The following UBE2G1 variants were observed in gnomAD, a reference collection of about 807,000 sequenced individuals.
UBE2G1 encodes the protein ubiquitin-conjugating enzyme E2 G1.
In UBE2G1, 5 loss-of-function variants were observed where a neutral mutation model predicts 22.7. That is an observed-to-expected ratio of 0.22 (90% CI 0.12 to 0.46). The LOEUF is 0.46. Ranked by LOEUF, UBE2G1 falls within the 20% of genes least tolerant of loss-of-function variation. The probability of loss-of-function intolerance (pLI) is 0.99; values close to 1 mark genes in which losing one functional copy is unlikely to be tolerated. For synonymous variants in UBE2G1, 74 were observed against 67.5 expected (o/e 1.10, Z -0.47); for missense variants, 88 against 203.9 (o/e 0.43, Z 3.46).
intron 2 of UBE2G1, chr17:4,301,733 G>C: frequency 1.5e-6 from 1 of 657,614 alleles, no homozygotes; most frequent in South Asian, 1.4e-5. Context: ...GTTTGGATTG[G>C]TGGGGAGTGC....
chr17:4,313,625 TTCTC>T lies in UBE2G1; in HGVS notation c.47-6506_47-6503del, dbSNP rs71832912. On this transcript the variant is annotated intron_variant, in intron 1 of 5. Transcript: ENST00000396981. The stretch of plus-strand genomic sequence containing the variant: ...GTATTACAAATCAGGACGATAGTAT[TTCTC>T]TCTCTCTCTCTCTCTGTCTTTTGGA... Among the ~76,000 whole-genome samples the T allele has an allele frequency of 1.6e-4, 24 of 149,938 alleles. 1 individual carries two copies. The highest frequency in any genetic ancestry group is 4.6e-4 in the Admixed American group (7 of 15,064).
intron 1 of UBE2G1, among the ~76,000 whole-genome samples, chr17:4,329,143 A>AAT (rs1421626855): frequency 6.8e-6 from 1 of 147,120 alleles, no homozygotes; most frequent in Non-Finnish European, 1.5e-5. Flanking sequence ...ACACTTCTGT[A>AAT]ATCCTAGCAC....
At chr17:4,344,604 C>T (rs772866940) in intron 1 of UBE2G1, among the ~76,000 whole-genome samples, 4 of 151,364 alleles carry the variant, frequency 2.6e-5, no homozygotes, top group African/African-American at 7.3e-5. Flanking sequence ...GTGACTCACA[C>T]CTGTAATCCT....
intron 1 of UBE2G1, among the ~76,000 whole-genome samples, chr17:4,317,881 G>A (rs1035838184): frequency 1.2e-4 from 19 of 152,154 alleles, no homozygotes; most frequent in Non-Finnish European, 2.5e-4. Context: ...TCACAATACC[G>A]AAATTATGCC....
intron 1 of UBE2G1, among the ~76,000 whole-genome samples, chr17:4,353,533 T>A (rs1308224646): frequency 6.6e-6 from 1 of 151,310 alleles, no homozygotes; most frequent in African/African-American, 2.4e-5. Flanking sequence ...AGAGTCTTGT[T>A]CTGTCACCAG....
In UBE2G1 at chr17:4,366,361, C is replaced by G; in HGVS notation, c.-45G>C. 1 of 1,496,960 alleles carries G rather than the reference C, an allele frequency of 6.7e-7. No individual in the cohort carries two copies. Among genetic ancestry groups the G allele is most frequent in the Non-Finnish European group, 8.8e-7 (1 of 1,132,138 alleles). The allele number at this position is 1,496,960 out of a possible 1,614,324, so 92.7% of individuals were successfully genotyped here. On this transcript the variant is annotated 5_prime_UTR_variant, in exon 1 of 6. Coordinates refer to ENST00000396981, the MANE Select transcript of UBE2G1 (RefSeq NM_003342.5). ...GGCTGGCGCCGGGGCTTCCGAAGGG[C>G]TGGGGACAGGCTCTGGGGGCGGCTG...
At chr17:4,330,791 A>T (rs1567525190) in intron 1 of UBE2G1, among the ~76,000 whole-genome samples, 1 of 151,644 alleles carries the variant, frequency 6.6e-6, no homozygotes, top group African/African-American at 2.4e-5. Flanking sequence ...ACGGGGTTTC[A>T]CCATGTTGGC....
chr17:4,291,251 T>C (rs1192789162), intron 3 of UBE2G1, among the ~76,000 whole-genome samples: 1 of 151,416 alleles, frequency 6.6e-6, no homozygotes, highest in Admixed American at 6.6e-5. Flanking sequence ...TCCCAGCTAC[T>C]TGGGAGGCTG....
At chr17:4,349,358 A>G (rs1344899957) in intron 1 of UBE2G1, among the ~76,000 whole-genome samples, 2 of 152,128 alleles carry the variant, frequency 1.3e-5, no homozygotes, top group African/African-American at 4.8e-5. Context: ...TTAGAGATGG[A>G]AAAATGTTAA....
In UBE2G1 at chr17:4,285,576, CA is replaced by C. The variant is rs1463461548; in HGVS notation, c.427-2656del. ...AAAAGAAGAAATGGGATCCATGAAA[CA>C]AAAGATTCAATTGAGAAGAGCAGTG... is the stretch of plus-strand genomic sequence containing the variant. On this transcript the variant is annotated intron_variant, in intron 4 of 5. Transcript: ENST00000396981. Among the ~76,000 whole-genome samples the C allele has an allele frequency of 9.2e-5, 14 of 152,186 alleles. No homozygotes were observed. The East Asian group carries it at 2.3e-3, about 25-fold the overall frequency.
intron 1 of UBE2G1, among the ~76,000 whole-genome samples, chr17:4,312,522 C>A (rs1297659197): frequency 2.6e-5 from 4 of 151,666 alleles, no homozygotes; most frequent in Non-Finnish European, 4.4e-5. Flanking sequence ...CGGTGAAACC[C>A]CGTCTCTACT....
intron 4 of UBE2G1, among the ~76,000 whole-genome samples, chr17:4,287,527 A>T (rs958742544): frequency 2.0e-5 from 3 of 152,104 alleles, no homozygotes; most frequent in Non-Finnish European, 2.9e-5. Flanking sequence ...CTCCCTTATC[A>T]TGTCTTACAT....
At chr17:4,284,824 CTTTTCTTTTCTTTCTTTTTTTT>C (rs1968940323) in intron 4 of UBE2G1, among the ~76,000 whole-genome samples, 3 of 85,612 alleles carry the variant, frequency 3.5e-5, no homozygotes, top group African/African-American at 1.2e-4. Context: ...TTTTTCTTTT[CTTTTCTTTTCTTTCTTTTTTTT>C]TTTTTTTTTT....
intron 1 of UBE2G1, chr17:4,364,021 T>A (rs1455846846): frequency 6.7e-6 from 1 of 148,396 alleles, no homozygotes; most frequent in Non-Finnish European, 1.5e-5. Context: ...TCCCAATACT[T>A]TGGGAGGCCC....
chr17:4,307,972 G>A (rs1969266513), intron 1 of UBE2G1, among the ~76,000 whole-genome samples: 1 of 152,154 alleles, frequency 6.6e-6, no homozygotes, highest in Non-Finnish European at 1.5e-5. Context: ...TAAAGTACTG[G>A]CCTCCTGATG....
chr17:4,276,816 A>G (rs1968826690), intron 5 of UBE2G1, among the ~76,000 whole-genome samples: 1 of 152,218 alleles, frequency 6.6e-6, no homozygotes, highest in Non-Finnish European at 1.5e-5. Flanking sequence ...AGACAAAGGG[A>G]GAAGATGAAC....
chr17:4,323,964 T>C (rs1969473505), intron 1 of UBE2G1, among the ~76,000 whole-genome samples: 1 of 152,176 alleles, frequency 6.6e-6, no homozygotes, highest in African/African-American at 2.4e-5. Context: ...GGATGATCAA[T>C]GGATGCTAAA....
intron 1 of UBE2G1, among the ~76,000 whole-genome samples, chr17:4,343,936 C>A (rs953645086): frequency 2.0e-5 from 3 of 152,072 alleles, no homozygotes; most frequent in Non-Finnish European, 4.4e-5. Flanking sequence ...GTAGATTTCT[C>A]CTCAGTTGCA....
chr17:4,364,896 G>C (rs1970014964), intron 1 of UBE2G1, among the ~76,000 whole-genome samples: 1 of 152,196 alleles, frequency 6.6e-6, no homozygotes, highest in Middle Eastern at 3.2e-3. Flanking sequence ...TGCTTTTCCA[G>C]CACATAATTT....
Sources: allele counts gnomAD v4.1 joint callset (sites outside exome capture counted in the v4.1 genomes callset), GRCh38; gene constraint gnomAD v4.1.1; transcripts MANE v1.5; gene names NCBI Gene and HGNC (gene_info 2026-07-23, HGNC 2026-07-21).